CLVS1: variants seen among roughly 807,000 people sequenced by gnomAD.
CLVS1 encodes clavesin 1.
In CLVS1, 10 loss-of-function variants were observed where a neutral mutation model predicts 33.1. That is an observed-to-expected ratio of 0.30 (90% CI 0.19 to 0.51). The LOEUF (loss-of-function observed/expected upper bound fraction) is 0.51, where lower values mean the gene tolerates loss of function less well. Among genes scored for constraint, CLVS1 ranks in the 20% least tolerant of loss-of-function variants. The probability of loss-of-function intolerance (pLI) is 0.97; values close to 1 mark genes in which losing one functional copy is unlikely to be tolerated. For missense variants in CLVS1, 343 were observed against 433.4 expected (o/e 0.79, Z 1.85); for synonymous variants, 163 against 166.1 (o/e 0.98, Z 0.14).
rs77128888 is a variant in CLVS1 at position 61,161,809 on chromosome 8, A to C, written c.-152+29949A>C. 7.3e-3 allele frequency among the ~76,000 whole-genome samples: 1,118 copies of C among 152,366 alleles called. 17 individuals carry two copies. Among genetic ancestry groups the C allele is most frequent in the African/African-American group, 0.026 (1,079 of 41,582 alleles). On this transcript the variant is annotated intron_variant, in intron 2 of 2. Transcript: ENST00000522621. ...GTTTTAAATGTTCTCATCGCAAAAA[A>C]ATAAATATGTGAGGTGATGGCTATG...
At chr8:61,098,146 C>T (rs181021913) in intron 1 of CLVS1, among the ~76,000 whole-genome samples, 194 of 152,044 alleles carry the variant, frequency 1.3e-3, no homozygotes, top group Non-Finnish European at 2.3e-3. Context: ...AGTGACAGAG[C>T]GAGACTCTGT....
chr8:61,003,534 C>T, the CLVS1 span, among the ~76,000 whole-genome samples: 1 of 152,196 alleles, frequency 6.6e-6, no homozygotes, highest in African/African-American at 2.4e-5. Flanking sequence ...GCAAGGATAA[C>T]TGGCAATGAC....
intron 2 of CLVS1, among the ~76,000 whole-genome samples, chr8:61,151,506 T>A (rs575240895): frequency 1.3e-5 from 2 of 152,336 alleles, no homozygotes; most frequent in Admixed American, 1.3e-4. Context: ...GCCTTATTTC[T>A]GTTTCTAGTA....
At position 61,342,057 on chromosome 8, in the gene CLVS1, G is replaced by A. The variant is rs553622630; in HGVS notation, c.456-34548G>A. On this transcript the variant is annotated intron_variant, in intron 2 of 5. Coordinates refer to ENST00000325897, the MANE Select transcript of CLVS1 (RefSeq NM_173519.3). Reference sequence around the variant, plus strand: ...ACAAATTCCTGAAGGGTGTTCACAAGGAAAACACTAGGAAGTTTGCCCAAA... The same window carrying A: ...ACAAATTCCTGAAGGGTGTTCACAAAGAAAACACTAGGAAGTTTGCCCAAA... Among the ~76,000 whole-genome samples the A allele has an allele frequency of 2.0e-5, 3 of 152,276 alleles. No individual in the cohort carries two copies. In the East Asian group the frequency reaches 5.8e-4, roughly 29 times the overall value.
chr8:61,463,309 C>T (rs1817435185), intron 5 of CLVS1, among the ~76,000 whole-genome samples: 1 of 151,526 alleles, frequency 6.6e-6, no homozygotes, highest in Admixed American at 6.6e-5. Context: ...TTCTCCATAT[C>T]AGCAATAAGG....
At chr8:61,209,888 G>C (rs1318680756) in intron 2 of CLVS1, among the ~76,000 whole-genome samples, 1 of 152,188 alleles carries the variant, frequency 6.6e-6, no homozygotes, top group Non-Finnish European at 1.5e-5. Flanking sequence ...CTAACCGATA[G>C]AGTATGGCAA....
chr8:61,378,060 A>G (rs1813717474), intron 3 of CLVS1: 1 of 152,024 alleles, frequency 6.6e-6, no homozygotes, highest in African/African-American at 2.4e-5. Flanking sequence ...TGAACATCTG[A>G]TCTCTCTCTC....
chr8:61,207,343 G>A (rs1219400530), intron 2 of CLVS1, among the ~76,000 whole-genome samples: 2 of 151,704 alleles, frequency 1.3e-5, no homozygotes, highest in Non-Finnish European at 2.9e-5. Flanking sequence ...GTGCAGAGGT[G>A]CATGGGCTCC....
At chr8:61,066,900 C>A (rs1448790747) in intron 1 of CLVS1, among the ~76,000 whole-genome samples, 2 of 152,142 alleles carry the variant, frequency 1.3e-5, no homozygotes, top group Non-Finnish European at 2.9e-5. Context: ...CTGCAAAAGC[C>A]AGGCTGGTGC....
Position 61,098,586 on chromosome 8 carries a change from G to A in CLVS1, c.-242-33184G>A, listed in dbSNP as rs149554831. Among the ~76,000 whole-genome samples, 321 of 152,156 alleles carry A rather than the reference G, an allele frequency of 2.1e-3. 3 individuals carry two copies. The highest frequency in any genetic ancestry group is 6.2e-3 in the African/African-American group (256 of 41,480). ...ATCCAAAGCTCAAAGTGCTCTTCAAGCATTATTAGCTCATTAATCCTTGCA... is the reference window on the plus strand; with the variant it reads ...ATCCAAAGCTCAAAGTGCTCTTCAAACATTATTAGCTCATTAATCCTTGCA... On this transcript the variant is annotated intron_variant, in intron 1 of 2. Transcript: ENST00000522621.
At chr8:61,410,066 G>GTT (rs201195565) in intron 3 of CLVS1, among the ~76,000 whole-genome samples, 2,491 of 106,798 alleles carry the variant, frequency 0.023, 53 homozygotes, top group Non-Finnish European at 0.035. Context: ...ACTTGCAGAG[G>GTT]TTTTTTTTTT....
intron 5 of CLVS1, among the ~76,000 whole-genome samples, chr8:61,487,571 A>T (rs145690437): frequency 1.3e-5 from 2 of 152,178 alleles, no homozygotes; most frequent in African/African-American, 4.8e-5. Flanking sequence ...TGCTTAAACT[A>T]CTATTTTGGA....
chr8:61,141,873 C>G (rs1439429637), intron 2 of CLVS1, among the ~76,000 whole-genome samples: 2 of 152,186 alleles, frequency 1.3e-5, no homozygotes, highest in Non-Finnish European at 2.9e-5. Context: ...CTTAGAGAGT[C>G]TGTTTTTATT....
At chr8:60,969,896 A>G in the CLVS1 span, among the ~76,000 whole-genome samples, 1 of 152,232 alleles carries the variant, frequency 6.6e-6, no homozygotes, top group Admixed American at 6.5e-5. Flanking sequence ...ATGATTTAAA[A>G]TATACAACAG....
chr8:60,991,744 C>CTTTTTTTT, the CLVS1 span, among the ~76,000 whole-genome samples: 1 of 118,970 alleles, frequency 8.4e-6, no homozygotes, highest in Non-Finnish European at 1.7e-5. Context: ...AAGCCCCACT[C>CTTTTTTTT]TTTTTTTTTT....
At chr8:61,147,292 A>G (rs1303348604) in intron 2 of CLVS1, among the ~76,000 whole-genome samples, 1 of 152,204 alleles carries the variant, frequency 6.6e-6, no homozygotes, top group East Asian at 1.9e-4. Flanking sequence ...ACTCAATGAA[A>G]CAGAACAGCC....
intron 1 of CLVS1, among the ~76,000 whole-genome samples, chr8:61,115,245 T>C (rs760903930): frequency 2.6e-4 from 40 of 152,302 alleles, no homozygotes; most frequent in Admixed American, 1.0e-3. Context: ...CATTTCTCAC[T>C]GTTATTGTGA....
intron 2 of CLVS1, among the ~76,000 whole-genome samples, chr8:61,304,309 T>C (rs950432373): frequency 6.6e-6 from 1 of 152,240 alleles, no homozygotes; most frequent in African/African-American, 2.4e-5. Context: ...CTCATGCCAG[T>C]CTCTGCCTGC....
At chr8:61,385,182 A>G (rs1430251841) in intron 3 of CLVS1, among the ~76,000 whole-genome samples, 1 of 152,208 alleles carries the variant, frequency 6.6e-6, no homozygotes. Context: ...AGGGTCTTCA[A>G]ATAGCTGGGG....
Sources: gnomAD v4.1 joint callset for allele counts (sites outside exome capture counted in the v4.1 genomes callset) on GRCh38, gnomAD v4.1.1 for gene constraint, MANE v1.5 for transcripts, NCBI Gene and HGNC (gene_info 2026-07-23, HGNC 2026-07-21) for gene names.